FRMPD2: variants seen among roughly 807,000 people sequenced by gnomAD.
FRMPD2 encodes the protein FERM and PDZ domain-containing protein 2.
A neutral mutation model predicts 140.1 loss-of-function variants in FRMPD2; 96 were observed. The ratio of observed to expected loss-of-function variants is 0.69; its 90% CI spans 0.58 to 0.81. The LOEUF (loss-of-function observed/expected upper bound fraction) is 0.81, where lower values mean the gene tolerates loss of function less well. FRMPD2 is among the 40% of genes least tolerant of loss of function. FRMPD2 has a pLI of 0.00. For missense variants in FRMPD2, 1,240 were observed against 1,447.4 expected (o/e 0.86, Z 2.32); for synonymous variants, 449 against 547.6 (o/e 0.82, Z 2.52).
At chr10:48,208,599 A>T (rs1839251166) in intron 13 of FRMPD2, among the ~76,000 whole-genome samples, 1 of 152,236 alleles carries the variant, frequency 6.6e-6, no homozygotes, top group Admixed American at 6.5e-5. Context: ...CAGGGAATCC[A>T]AAAGGCCTGG....
At chr10:48,158,212 C>T (rs1226791292) in intron 28 of FRMPD2, among the ~76,000 whole-genome samples, 1 of 149,792 alleles carries the variant, frequency 6.7e-6, no homozygotes, top group African/African-American at 2.5e-5. Context: ...GATTTGCTCC[C>T]CACTTGTCCA....
intron 12 of FRMPD2, among the ~76,000 whole-genome samples, chr10:48,220,501 G>T (rs1839558515): frequency 6.6e-6 from 1 of 152,096 alleles, no homozygotes; most frequent in African/African-American, 2.4e-5. Flanking sequence ...GATAACACCA[G>T]AAAAACCCTT....
intron 9 of FRMPD2, among the ~76,000 whole-genome samples, chr10:48,232,915 T>G (rs1839884102): frequency 6.6e-6 from 1 of 152,230 alleles, no homozygotes; most frequent in Admixed American, 6.5e-5. Flanking sequence ...GCCTCCTGGA[T>G]AGTTCATCAC....
At chr10:48,273,675 G>T (rs1840806254) in intron 1 of FRMPD2, among the ~76,000 whole-genome samples, 1 of 152,060 alleles carries the variant, frequency 6.6e-6, no homozygotes, top group Admixed American at 6.5e-5. Context: ...CCAGCATTCT[G>T]CCCCCCGACC....
At chr10:48,225,169 A>ACTGG (rs1839694948) in intron 10 of FRMPD2, among the ~76,000 whole-genome samples, 2 of 152,320 alleles carry the variant, frequency 1.3e-5, no homozygotes, top group Admixed American at 1.3e-4. Context: ...CAGCCTCCAC[A>ACTGG]CAGTGGTTAA....
chr10:48,271,429 C>T (rs1032726732), intron 1 of FRMPD2, among the ~76,000 whole-genome samples: 11 of 152,346 alleles, frequency 7.2e-5, no homozygotes, highest in Admixed American at 3.9e-4. Flanking sequence ...CACTGTTTAA[C>T]CCATCTTGAA....
At chr10:48,249,205 T>C in intron 2 of FRMPD2, 27 bp from the exon 3 acceptor site, 1 of 1,607,862 alleles carries the variant, frequency 6.2e-7, no homozygotes, top group Non-Finnish European at 8.5e-7. Context: ...GATGGGGCTG[T>C]AGAGACAGAG....
At chr10:48,255,712 G>A (rs1840476120) in intron 1 of FRMPD2, among the ~76,000 whole-genome samples, 1 of 152,202 alleles carries the variant, frequency 6.6e-6, no homozygotes, top group East Asian at 1.9e-4. Context: ...GGACATCTTA[G>A]CTGAAGTGGT....
rs551993664 is a variant in FRMPD2 at position 48,237,367 on chromosome 10, G to A, written c.921+624C>T. Among the ~76,000 whole-genome samples, 33 of 152,174 alleles carry A rather than the reference G, an allele frequency of 2.2e-4. 1 individual carries two copies. The South Asian group carries it at 4.8e-3, about 22-fold the overall frequency. On this transcript the variant is annotated intron_variant, in intron 8 of 28. Coordinates refer to ENST00000374201, the MANE Select transcript of FRMPD2 (RefSeq NM_001018071.4). ...AAAGCCTCTCAGAAGCCCTCTTCAC[G>A]CCCTCCACCAAGTTCATGGAGGCCA...
intron 1 of FRMPD2, 148 bp from the exon 2 acceptor site, chr10:48,251,839 G>A: frequency 3.7e-6 from 3 of 811,206 alleles, no homozygotes; most frequent in South Asian, 3.6e-5. Context: ...CCTGGGGTCA[G>A]GCACAGAGCC....
At chr10:48,220,384 C>T (rs371849080) in intron 12 of FRMPD2, among the ~76,000 whole-genome samples, 2 of 152,180 alleles carry the variant, frequency 1.3e-5, no homozygotes, top group African/African-American at 4.8e-5. Flanking sequence ...TGGCTAGCCA[C>T]ACACAGAAGA....
chr10:48,259,521 CTT>C (rs1441120673), intron 1 of FRMPD2, among the ~76,000 whole-genome samples: 1 of 151,928 alleles, frequency 6.6e-6, no homozygotes, highest in African/African-American at 2.4e-5. Context: ...AATCTAGTGA[CTT>C]GTATATAAGA....
chr10:48,209,344 G>A (rs1198436320), intron 13 of FRMPD2, among the ~76,000 whole-genome samples: 1 of 152,178 alleles, frequency 6.6e-6, no homozygotes, highest in African/African-American at 2.4e-5. Context: ...ACCTTAAACA[G>A]GTTATTCTGA....
At chr10:48,259,776 C>T (rs1024700612) in intron 1 of FRMPD2, among the ~76,000 whole-genome samples, 3 of 151,912 alleles carry the variant, frequency 2.0e-5, no homozygotes. Flanking sequence ...CCCTTTTCTC[C>T]CACCTTATCA....
At chr10:48,250,041 C>T (rs959140775) in intron 2 of FRMPD2, among the ~76,000 whole-genome samples, 2 of 152,178 alleles carry the variant, frequency 1.3e-5, no homozygotes, top group Non-Finnish European at 2.9e-5. Flanking sequence ...TTGGCCACCT[C>T]AAGGCCGGAA....
chr10:48,224,322 T>A (rs887554263), intron 10 of FRMPD2, among the ~76,000 whole-genome samples: 10 of 152,128 alleles, frequency 6.6e-5, no homozygotes, highest in Non-Finnish European at 1.3e-4. Context: ...CTCCTCCTTC[T>A]CAGTGCTCCA....
At chr10:48,267,361 A>C (rs1159138698) in intron 1 of FRMPD2, among the ~76,000 whole-genome samples, 1 of 152,216 alleles carries the variant, frequency 6.6e-6, no homozygotes, top group Non-Finnish European at 1.5e-5. Flanking sequence ...TGAAAAATAC[A>C]ATAACCAACA....
intron 14 of FRMPD2, among the ~76,000 whole-genome samples, chr10:48,201,813 T>C (rs1164019317): frequency 6.6e-6 from 1 of 152,204 alleles, no homozygotes; most frequent in Non-Finnish European, 1.5e-5. Flanking sequence ...CACCTGTGTG[T>C]TATAATATTT....
At chr10:48,253,527 G>C (rs148302295) in intron 1 of FRMPD2, among the ~76,000 whole-genome samples, 1 of 152,078 alleles carries the variant, frequency 6.6e-6, no homozygotes. Context: ...GCACAAAGCA[G>C]TTAGAAAAAC....
Sources: gnomAD v4.1 joint callset for allele counts (sites outside exome capture counted in the v4.1 genomes callset) on GRCh38, gnomAD v4.1.1 for gene constraint, MANE v1.5 for transcripts, NCBI Gene and HGNC (gene_info 2026-07-23, HGNC 2026-07-21) for gene names.